Variants in PRIM2 observed in about 807,000 individuals in gnomAD.
PRIM2 encodes the protein DNA primase subunit 2.
PRIM2 carries 39 observed loss-of-function variants against 67.3 expected under a neutral mutation model. The ratio of observed to expected loss-of-function variants is 0.58; its 90% CI spans 0.45 to 0.76. The LOEUF (loss-of-function observed/expected upper bound fraction) is 0.76. Ranked by LOEUF, PRIM2 falls within the 30% of genes least tolerant of loss-of-function variation. PRIM2 has a pLI of 0.00. For missense variants in PRIM2, 398 were observed against 598.7 expected (o/e 0.66, Z 3.50); for synonymous variants, 143 against 198.7 (o/e 0.72, Z 2.36).
chr6:57,260,034 C>G, the PRIM2 span, among the ~76,000 whole-genome samples: 13 of 152,160 alleles, frequency 8.5e-5, no homozygotes, highest in Admixed American at 8.5e-4. Context: ...CTTGCTTCCC[C>G]TATTCCCTTA....
chr6:57,506,199 G>A (rs1554347221), intron 7 of PRIM2, among the ~76,000 whole-genome samples: 1 of 151,516 alleles, frequency 6.6e-6, no homozygotes, highest in Admixed American at 6.6e-5. Flanking sequence ...CAGATTAATT[G>A]TCTCACTTTA....
In PRIM2 at chr6:57,412,881, T is replaced by A. The variant is rs533149866; in HGVS notation, c.693+30713T>A. 3.9e-5 allele frequency among the ~76,000 whole-genome samples: 6 copies of A among 152,270 alleles called. No individual in the cohort carries two copies. In the East Asian group the frequency reaches 1.2e-3, roughly 29 times the overall value. The stretch of plus-strand genomic sequence containing the variant: ...AAGAGAAAGTAGTTTTAGTTTGTAT[T>A]AAATAATTTCATTACGTTACTGGGA... On this transcript the variant is annotated intron_variant, in intron 7 of 13. Coordinates refer to ENST00000615550, the MANE Select transcript of PRIM2 (RefSeq NM_000947.5).
chr6:57,388,251 G>A (rs1432688618), intron 7 of PRIM2, among the ~76,000 whole-genome samples: 2 of 152,182 alleles, frequency 1.3e-5, no homozygotes, highest in Non-Finnish European at 2.9e-5. Flanking sequence ...AGATGACTGT[G>A]GCTGCTGCTT....
chr6:57,520,139 A>G (rs1774581414), intron 8 of PRIM2, among the ~76,000 whole-genome samples: 1 of 152,230 alleles, frequency 6.6e-6, no homozygotes, highest in East Asian at 1.9e-4. Flanking sequence ...ACTTTTAATA[A>G]TAATCCTCAT....
At chr6:57,279,560 A>G in the PRIM2 span, among the ~76,000 whole-genome samples, 1 of 152,266 alleles carries the variant, frequency 6.6e-6, no homozygotes, top group African/African-American at 2.4e-5. Context: ...CTATATGACT[A>G]GATTGTGGCA....
chr6:57,234,046 A>G, the PRIM2 span, among the ~76,000 whole-genome samples: 1 of 152,168 alleles, frequency 6.6e-6, no homozygotes, highest in Admixed American at 6.5e-5. Flanking sequence ...CAAATGCTAC[A>G]TACATCTATA....
At chr6:57,295,213 GT>G in the PRIM2 span, among the ~76,000 whole-genome samples, 1 of 152,100 alleles carries the variant, frequency 6.6e-6, no homozygotes, top group Non-Finnish European at 1.5e-5. Context: ...CCATTCAAGA[GT>G]TGTTTTTCTC....
the PRIM2 span, among the ~76,000 whole-genome samples, chr6:57,269,410 T>C: frequency 5.1e-4 from 78 of 152,048 alleles, no homozygotes; most frequent in African/African-American, 1.7e-3. Context: ...TTTCATGTGT[T>C]TTTTGGCTGC....
intron 10 of PRIM2, among the ~76,000 whole-genome samples, chr6:57,548,564 T>C: frequency 1.3e-5 from 2 of 152,334 alleles, no homozygotes; most frequent in South Asian, 4.1e-4. Context: ...AATATGAACC[T>C]CTGTTTCCTA....
chr6:57,328,951 T>C (rs561614951), intron 5 of PRIM2, among the ~76,000 whole-genome samples: 2 of 152,356 alleles, frequency 1.3e-5, no homozygotes, highest in South Asian at 4.1e-4. Flanking sequence ...GTATATCATC[T>C]GTGAAGAGAT....
the PRIM2 span, among the ~76,000 whole-genome samples, chr6:57,244,441 T>C: frequency 4.6e-5 from 7 of 152,304 alleles, no homozygotes; most frequent in African/African-American, 1.7e-4. Context: ...AGGCTTTATA[T>C]GAAAATAGTG....
the PRIM2 span, among the ~76,000 whole-genome samples, chr6:57,243,424 T>G: frequency 1.3e-5 from 2 of 152,298 alleles, no homozygotes; most frequent in Admixed American, 1.3e-4. Context: ...ATTGGAATAT[T>G]GGGACAGATG....
At chr6:57,269,692 T>A in the PRIM2 span, among the ~76,000 whole-genome samples, 1 of 152,170 alleles carries the variant, frequency 6.6e-6, no homozygotes, top group Non-Finnish European at 1.5e-5. Flanking sequence ...GTTTTAGACA[T>A]GAGGTCCTTG....
chr6:57,487,430 T>C (rs1407045746), intron 7 of PRIM2, among the ~76,000 whole-genome samples: 1 of 152,226 alleles, frequency 6.6e-6, no homozygotes, highest in Non-Finnish European at 1.5e-5. Context: ...GGTTTTACCA[T>C]GTTGCCCAGG....
chr6:57,327,642 A>G lies in PRIM2; in HGVS notation c.459+1597A>G, dbSNP rs182946728. ...CACTGCATCTTCCACTTTGCTTTTA[A>G]CTTTGATCCTTGGTGAAGTCCATTA... On this transcript the variant is annotated intron_variant, in intron 5 of 13. Transcript: ENST00000615550. Among the ~76,000 whole-genome samples, 11 of 152,386 alleles carry G rather than the reference A, an allele frequency of 7.2e-5. No individual in the cohort carries two copies. In the East Asian group the frequency reaches 1.5e-3, roughly 21 times the overall value.
At chr6:57,258,305 C>T in the PRIM2 span, among the ~76,000 whole-genome samples, 2 of 151,924 alleles carry the variant, frequency 1.3e-5, no homozygotes, top group East Asian at 3.9e-4. Context: ...ATAAAACTTT[C>T]TCTTCTAAGA....
the PRIM2 span, among the ~76,000 whole-genome samples, chr6:57,271,171 C>T: frequency 6.6e-6 from 1 of 152,244 alleles, no homozygotes; most frequent in African/African-American, 2.4e-5. Context: ...TTCCCTCTTT[C>T]TCTATTCATT....
chr6:57,644,457 A>C (rs1173172860), intron 13 of PRIM2, among the ~76,000 whole-genome samples: 1 of 152,122 alleles, frequency 6.6e-6, no homozygotes, highest in Admixed American at 6.6e-5. Context: ...TCAGTTCTCC[A>C]TTCTTGGTAG....
rs1211298336 is a variant in PRIM2, at chr6:57,606,993, G to A, written c.1230+536G>A. ...AAATGCTCAGATTGTACAACCAAAT[G>A]TTAAACAGTACATTTTTTAGTAAGT... On this transcript the variant is annotated intron_variant, in intron 12 of 13. Transcript: ENST00000615550. Among the ~76,000 whole-genome samples the A allele has an allele frequency of 1.2e-4, 18 of 152,250 alleles. 1 individual carries two copies. The highest frequency in any genetic ancestry group is 4.3e-4 in the African/African-American group (18 of 41,568).
Sources: allele counts gnomAD v4.1 joint callset (sites outside exome capture counted in the v4.1 genomes callset), GRCh38; gene constraint gnomAD v4.1.1; transcripts MANE v1.5; gene names NCBI Gene and HGNC (gene_info 2026-07-23, HGNC 2026-07-21).